The following SLC35F1 variants were observed in gnomAD, a reference collection of about 807,000 sequenced individuals.
SLC35F1 encodes the protein solute carrier family 35 member F1.
A neutral mutation model predicts 48.7 loss-of-function variants in SLC35F1; 14 were observed. The observed-to-expected ratio is 0.29, with a 90% confidence interval of 0.19 to 0.45. SLC35F1 has a LOEUF of 0.45. Ranked by LOEUF, SLC35F1 falls within the 20% of genes least tolerant of loss-of-function variation. The pLI is 1.00. For missense variants in SLC35F1, 404 were observed against 500.0 expected (o/e 0.81, Z 1.83); for synonymous variants, 190 against 202.2 (o/e 0.94, Z 0.51).
Position 118,074,284 on chromosome 6 carries a change from T to A in SLC35F1, c.174-80161T>A, listed in dbSNP as rs1772785536. The stretch of plus-strand genomic sequence containing the variant: ...GATAGTTACACCATTCCTACCTGTA[T>A]AAAGAAAGTGGAGTAATTCAGGTTG... On this transcript the variant is annotated intron_variant, in intron 1 of 7. Coordinates refer to ENST00000360388, the MANE Select transcript of SLC35F1 (RefSeq NM_001029858.4). Among the ~76,000 whole-genome samples the A allele has an allele frequency of 2.6e-5, 4 of 152,356 alleles. No homozygotes were observed. In the South Asian group the frequency reaches 8.3e-4, roughly 32 times the overall value.
chr6:118,040,538 C>G (rs1772198818), intron 1 of SLC35F1, among the ~76,000 whole-genome samples: 1 of 152,060 alleles, frequency 6.6e-6, no homozygotes, highest in Admixed American at 6.6e-5. Flanking sequence ...GAGTACCAAG[C>G]CTACTTCTAG....
intron 1 of SLC35F1, among the ~76,000 whole-genome samples, chr6:118,062,118 T>G (rs1381187503): frequency 2.0e-5 from 3 of 152,192 alleles, no homozygotes; most frequent in Non-Finnish European, 4.4e-5. Flanking sequence ...TTTGGGGTGT[T>G]TTTTGATAAC....
At chr6:118,201,438 C>A (rs1307454632) in intron 2 of SLC35F1, among the ~76,000 whole-genome samples, 2 of 152,150 alleles carry the variant, frequency 1.3e-5, no homozygotes, top group Non-Finnish European at 2.9e-5. Context: ...GTTATAGAAA[C>A]CACAAACATT....
At chr6:117,908,186 C>T (rs989711947) in intron 1 of SLC35F1, among the ~76,000 whole-genome samples, 4 of 152,148 alleles carry the variant, frequency 2.6e-5, no homozygotes, top group Non-Finnish European at 5.9e-5. Context: ...TGTCCGCACT[C>T]ACACCCTCCA....
intron 2 of SLC35F1, among the ~76,000 whole-genome samples, chr6:118,223,807 G>A (rs1582738332): frequency 6.6e-6 from 1 of 152,198 alleles, no homozygotes; most frequent in East Asian, 1.9e-4. Flanking sequence ...AGAGCTCAAG[G>A]TCAGCCCTCA....
At chr6:117,923,766 C>CATATATACATATATACATATGTACATAT (rs1775971548) in intron 1 of SLC35F1, among the ~76,000 whole-genome samples, 1 of 17,830 alleles carries the variant, frequency 5.6e-5, no homozygotes, top group African/African-American at 2.8e-4. Context: ...TACATATGCA[C>CATATATACATATATACATATGTACATAT]ATACATATGT....
At chr6:118,171,176 A>G (rs1774398958) in intron 2 of SLC35F1, among the ~76,000 whole-genome samples, 1 of 152,120 alleles carries the variant, frequency 6.6e-6, no homozygotes, top group South Asian at 2.1e-4. Context: ...AACTGGAACT[A>G]CAGGCTCACA....
intron 1 of SLC35F1, chr6:117,999,343 C>A (rs1777051679): frequency 5.0e-6 from 8 of 1,591,082 alleles, no homozygotes; most frequent in South Asian, 4.4e-5. Flanking sequence ...GGCCAAAGGC[C>A]AAGGCCAAGG....
At chr6:118,096,969 C>T (rs905054542) in intron 1 of SLC35F1, among the ~76,000 whole-genome samples, 1 of 152,190 alleles carries the variant, frequency 6.6e-6, no homozygotes, top group Non-Finnish European at 1.5e-5. Context: ...TCTATTCCCT[C>T]TTCTTCATCT....
intron 6 of SLC35F1, among the ~76,000 whole-genome samples, chr6:118,284,128 G>T (rs1776021603): frequency 6.6e-6 from 1 of 152,114 alleles, no homozygotes; most frequent in South Asian, 2.1e-4. Flanking sequence ...TGAATCCCTG[G>T]TCTTCATAGT....
intron 1 of SLC35F1, among the ~76,000 whole-genome samples, chr6:118,151,982 C>T (rs1274118775): frequency 3.3e-5 from 5 of 152,106 alleles, no homozygotes; most frequent in African/African-American, 1.2e-4. Context: ...CTGAATGGTA[C>T]TGCCTGGCTG....
intron 1 of SLC35F1, among the ~76,000 whole-genome samples, chr6:118,031,388 T>G (rs1178564676): frequency 3.3e-5 from 5 of 152,220 alleles, no homozygotes; most frequent in African/African-American, 1.2e-4. Context: ...CACACAGCTC[T>G]GAGTTGAAGG....
At chr6:117,952,633 G>A (rs1582582504) in intron 1 of SLC35F1, among the ~76,000 whole-genome samples, 1 of 152,118 alleles carries the variant, frequency 6.6e-6, no homozygotes, top group African/African-American at 2.4e-5. Context: ...TCCCCGTGGT[G>A]TACATCAAAC....
At chr6:117,908,669 T>C (rs1168732202) in intron 1 of SLC35F1, among the ~76,000 whole-genome samples, 1 of 152,180 alleles carries the variant, frequency 6.6e-6, no homozygotes, top group Non-Finnish European at 1.5e-5. Context: ...AGGACCTGGG[T>C]TGACGTGAAA....
intron 1 of SLC35F1, among the ~76,000 whole-genome samples, chr6:117,987,632 T>C (rs1319287091): frequency 1.3e-5 from 2 of 152,168 alleles, no homozygotes; most frequent in African/African-American, 4.8e-5. Flanking sequence ...GATTACCTGC[T>C]TAAGAATGGC....
At chr6:118,116,943 A>G (rs1234301000) in intron 1 of SLC35F1, among the ~76,000 whole-genome samples, 2 of 152,212 alleles carry the variant, frequency 1.3e-5, no homozygotes, top group Non-Finnish European at 2.9e-5. Flanking sequence ...ACTCATGTGT[A>G]TCCAACCCTT....
Position 117,907,886 on chromosome 6 carries a change from A to C in SLC35F1, c.160A>C (p.Lys54Gln). ...GGCTGGCGTGCGCCAGAGGATCCGCAAAGTGCTGAACAGGTGAGCGGCGGC... is the reference window on the plus strand; with the variant it reads ...GGCTGGCGTGCGCCAGAGGATCCGCCAAGTGCTGAACAGGTGAGCGGCGGC... ...SRAGVRQRIRKVLNREMLISV... is the reference protein window; with the variant it reads ...SRAGVRQRIRQVLNREMLISV... The change falls in exon 1 of 8, where the codon AAA becomes CAA. Residue 54 changes from lysine to glutamine, a missense_variant. Physicochemically the swap from Lys to Gln is moderately conservative, Grantham distance 53. This residue lies in a region of SLC35F1 where 98 missense variants were observed against 81.0 expected (regional missense o/e 1.21). Transcript: ENST00000360388. The C allele has an allele frequency of 6.7e-7, 1 of 1,486,660 alleles. No homozygotes were observed. The highest frequency in any genetic ancestry group is 8.9e-7 in the Non-Finnish European group (1 of 1,128,474). 92.1% of individuals were successfully genotyped at this position (1,486,660 alleles called of 1,614,324 possible). A position where few individuals can be genotyped will look rare whatever the true frequency, so the allele number is the denominator to read the frequency against.
chr6:117,915,486 A>G (rs1304189528), intron 1 of SLC35F1, among the ~76,000 whole-genome samples: 1 of 152,106 alleles, frequency 6.6e-6, no homozygotes, highest in African/African-American at 2.4e-5. Context: ...GATGGGTAGG[A>G]AAGGAATATG....
At chr6:118,071,144 C>T (rs1366787194) in intron 1 of SLC35F1, among the ~76,000 whole-genome samples, 1 of 127,488 alleles carries the variant, frequency 7.8e-6, no homozygotes, top group Non-Finnish European at 1.6e-5. Context: ...CATATATATA[C>T]ATTCTATGTA....
Sources: allele counts gnomAD v4.1 joint callset (sites outside exome capture counted in the v4.1 genomes callset), GRCh38; gene constraint gnomAD v4.1.1; regional missense constraint gnomAD v4.1.1; transcripts MANE v1.5; gene names NCBI Gene and HGNC (gene_info 2026-07-23, HGNC 2026-07-21).